Variants in GRIN2B observed in about 807,000 individuals in gnomAD.
GRIN2B encodes the protein glutamate receptor ionotropic, NMDA 2B.
In GRIN2B, 5 loss-of-function variants were observed where a neutral mutation model predicts 114.5. That is an observed-to-expected ratio of 0.04 (90% CI 0.02 to 0.09). GRIN2B has a LOEUF of 0.09. Ranked by LOEUF, GRIN2B falls within the 10% of genes least tolerant of loss-of-function variation. The pLI, the probability that GRIN2B is intolerant of heterozygous loss-of-function variation, is 1.00. For missense variants in GRIN2B, 1,108 were observed against 1,943.5 expected (o/e 0.57, Z 8.08); for synonymous variants, 787 against 745.1 (o/e 1.06, Z -0.92).
Position 13,541,383 on chromosome 12 carries a change from A to G in GRIN2B, c.*21400T>C, listed in dbSNP as rs989976588. 1 of 152,236 alleles carries G rather than the reference A, an allele frequency of 6.6e-6. No homozygotes were observed. The highest frequency in any genetic ancestry group is 1.5e-5 in the Non-Finnish European group (1 of 68,044). 9.4% of individuals were successfully genotyped at this position (152,236 alleles called of 1,614,324 possible). ...ACCCCATTAACCAGGGGTGGGAGCCAGTCTGAAGGAGGGGAGATCTGAGGC... is the reference window on the plus strand; with the variant it reads ...ACCCCATTAACCAGGGGTGGGAGCCGGTCTGAAGGAGGGGAGATCTGAGGC... On this transcript the variant is annotated 3_prime_UTR_variant, in exon 14 of 14. Transcript: ENST00000609686.
intron 6 of GRIN2B, among the ~76,000 whole-genome samples, chr12:13,616,149 A>G (rs1275885105): frequency 1.3e-5 from 2 of 152,234 alleles, no homozygotes. Flanking sequence ...TGCTGGCCCA[A>G]GAAAACATAT....
intron 3 of GRIN2B, among the ~76,000 whole-genome samples, chr12:13,793,211 A>C (rs1402588137): frequency 2.0e-5 from 3 of 152,214 alleles, no homozygotes; most frequent in Admixed American, 6.5e-5. Flanking sequence ...GCTCGAGGCC[A>C]GGAGCTCGAG....
Position 13,562,821 on chromosome 12 carries a change from C to T in GRIN2B, c.4417G>A (p.Val1473Ile), listed in dbSNP as rs1948563862. 6.2e-7 allele frequency: 1 copy of T among 1,614,188 alleles called. No homozygotes were observed. The highest frequency in any genetic ancestry group is 8.5e-7 in the Non-Finnish European group (1 of 1,179,998). Residue 1473 changes from valine (V) to isoleucine (I), a missense_variant, in exon 14 of 14, where the codon GTT (valine) becomes ATT (isoleucine). By Grantham distance (29) the Val-to-Ile change is conservative. Transcript: ENST00000609686. The stretch of plus-strand genomic sequence containing the variant: ...TCAATACTAGAAAGTTTCTCATAAA[C>T]ATGCCCATTGCTGGAGCCATTGAAA... Reference protein sequence around the residue: ...RAFNGSSNGHVYEKLSSIESD... With the variant: ...RAFNGSSNGHIYEKLSSIESD...
At chr12:13,875,310 C>T (rs1337566663) in intron 2 of GRIN2B, among the ~76,000 whole-genome samples, 1 of 152,152 alleles carries the variant, frequency 6.6e-6, no homozygotes, top group Non-Finnish European at 1.5e-5. Context: ...GGGTGGATCA[C>T]GAGGTCAAGA....
intron 2 of GRIN2B, among the ~76,000 whole-genome samples, chr12:13,925,052 A>T (rs1211908967): frequency 6.6e-6 from 1 of 152,242 alleles, no homozygotes; most frequent in African/African-American, 2.4e-5. Flanking sequence ...CTTTAACAAT[A>T]CATAAAAACC....
At chr12:13,716,835 T>C (rs1950459810) in intron 4 of GRIN2B, among the ~76,000 whole-genome samples, 1 of 151,956 alleles carries the variant, frequency 6.6e-6, no homozygotes, top group African/African-American at 2.4e-5. Flanking sequence ...TTGGTCTTTG[T>C]GACTGAGAAA....
chr12:13,909,813 C>T (rs563749856), intron 2 of GRIN2B, among the ~76,000 whole-genome samples: 34 of 152,176 alleles, frequency 2.2e-4, no homozygotes, highest in African/African-American at 7.5e-4. Flanking sequence ...GTGGCTGTCC[C>T]GACTTATGCA....
Position 13,562,980 on chromosome 12 carries a change from C to T in GRIN2B, c.4258G>A (p.Asp1420Asn). 1 of 1,613,812 alleles carries T rather than the reference C, an allele frequency of 6.2e-7. No individual in the cohort carries two copies. Among genetic ancestry groups the T allele is most frequent in the Non-Finnish European group, 8.5e-7 (1 of 1,179,738 alleles). The stretch of plus-strand genomic sequence containing the variant: ...TTGTTGGTGACAAGGGCCCGGAAGT[C>T]CGGCCTGGCTTTCGACGCCCCCGCC... Reference protein sequence around the residue: ...TVAGASKARPDFRALVTNKPV... With the variant: ...TVAGASKARPNFRALVTNKPV... Residue 1420 changes from aspartate (D) to asparagine (N), a missense_variant, in exon 14 of 14, where the codon GAC becomes AAC. Physicochemically the swap from Asp to Asn is conservative, Grantham distance 23. This residue lies in a region of GRIN2B where 478 missense variants were observed against 506.0 expected (regional missense o/e 0.94). Transcript: ENST00000609686.
intron 4 of GRIN2B, among the ~76,000 whole-genome samples, chr12:13,731,195 A>G (rs1040875580): frequency 1.3e-5 from 2 of 152,158 alleles, no homozygotes. Flanking sequence ...AGCTGTAGGC[A>G]CTACAAGACA....
intron 10 of GRIN2B, among the ~76,000 whole-genome samples, chr12:13,607,335 TTATATATAATATATAAAATATATAA>T (rs1949278874): frequency 3.6e-5 from 2 of 55,188 alleles, no homozygotes; most frequent in Non-Finnish European, 6.6e-5. Flanking sequence ...ATAATATATA[TTATATATAATATATAAAATATATAA>T]TATATATTAT....
At chr12:13,791,291 A>T (rs1173899684) in intron 3 of GRIN2B, among the ~76,000 whole-genome samples, 1 of 151,982 alleles carries the variant, frequency 6.6e-6, no homozygotes, top group Non-Finnish European at 1.5e-5. Flanking sequence ...CTCTACTAAA[A>T]ATACAAAAAA....
intron 2 of GRIN2B, among the ~76,000 whole-genome samples, chr12:13,946,032 C>T (rs571706084): frequency 6.6e-6 from 1 of 151,988 alleles, no homozygotes; most frequent in Non-Finnish European, 1.5e-5. Flanking sequence ...TTAGACAACC[C>T]CATGGAGAGA....
intron 3 of GRIN2B, among the ~76,000 whole-genome samples, chr12:13,852,909 C>T: frequency 6.6e-6 from 1 of 152,248 alleles, no homozygotes; most frequent in East Asian, 1.9e-4. Flanking sequence ...ACCTCAGGCC[C>T]TATATCAGCC....
chr12:13,676,861 A>G (rs958502237), intron 4 of GRIN2B, among the ~76,000 whole-genome samples: 9 of 152,172 alleles, frequency 5.9e-5, no homozygotes, highest in African/African-American at 1.9e-4. Flanking sequence ...GAAAATACTA[A>G]GGAATGGGAA....
At position 13,546,690 on chromosome 12, in the gene GRIN2B, G is replaced by T. The variant is rs1375311374; in HGVS notation, c.*16093C>A. The stretch of plus-strand genomic sequence containing the variant: ...TAAAAATAACATGCAACAACTCACT[G>T]GGCGAGAAATTTAGAAACACTTGCC... On this transcript the variant is annotated 3_prime_UTR_variant, in exon 14 of 14. Transcript: ENST00000609686. 6.6e-6 allele frequency: 1 copy of T among 152,082 alleles called. No homozygotes were observed. The highest frequency in any genetic ancestry group is 1.5e-5 in the Non-Finnish European group (1 of 68,038). The allele number at this position is 152,082 out of a possible 1,614,324, so 9.4% of individuals were successfully genotyped here. A position where few individuals can be genotyped will look rare whatever the true frequency, so the allele number is the denominator to read the frequency against.
intron 3 of GRIN2B, among the ~76,000 whole-genome samples, chr12:13,858,535 G>GT (rs149439201): frequency 0.018 from 2,671 of 152,182 alleles, 41 homozygotes; most frequent in Non-Finnish European, 0.029. Context: ...AATTCAGGGA[G>GT]TTTTTTTCAG....
chr12:13,866,218 G>C lies in GRIN2B; in HGVS notation c.-10C>G. On this transcript the variant is annotated 5_prime_UTR_variant, in exon 3 of 14. Coordinates refer to ENST00000609686, the MANE Select transcript of GRIN2B (RefSeq NM_000834.5). Reference sequence around the variant, plus strand: ...CCGCTCTGGGCTTCATCTTCAACTCGTCGACTCCCTGCAAACACAAAGAAA... The same window carrying C: ...CCGCTCTGGGCTTCATCTTCAACTCCTCGACTCCCTGCAAACACAAAGAAA... The C allele has an allele frequency of 1.2e-6, 2 of 1,604,788 alleles. No homozygotes were observed. The highest frequency in any genetic ancestry group is 1.7e-6 in the Non-Finnish European group (2 of 1,179,738).
intron 4 of GRIN2B, among the ~76,000 whole-genome samples, chr12:13,701,813 C>G (rs1005230518): frequency 1.3e-5 from 2 of 152,206 alleles, no homozygotes; most frequent in African/African-American, 4.8e-5. Context: ...CTCCACCAAT[C>G]CTCCTGAACA....
chr12:13,977,994 A>T (rs1863057380), intron 2 of GRIN2B, among the ~76,000 whole-genome samples: 1 of 152,106 alleles, frequency 6.6e-6, no homozygotes, highest in Non-Finnish European at 1.5e-5. Context: ...ATCCATTGGC[A>T]TTCAAGATAA....
Sources: allele counts gnomAD v4.1 joint callset (sites outside exome capture counted in the v4.1 genomes callset), GRCh38; gene constraint gnomAD v4.1.1; regional missense constraint gnomAD v4.1.1; transcripts MANE v1.5; gene names NCBI Gene and HGNC (gene_info 2026-07-23, HGNC 2026-07-21).